The following MTHFD2 variants were observed in gnomAD, a reference collection of about 807,000 sequenced individuals.
MTHFD2 encodes bifunctional methylenetetrahydrofolate dehydrogenase/cyclohydrolase, mitochondrial.
Under a neutral mutation model 36.8 loss-of-function variants are expected in MTHFD2, and 26 were observed. The ratio of observed to expected loss-of-function variants is 0.71; its 90% confidence interval spans 0.52 to 0.98. MTHFD2 has a LOEUF of 0.98. Among genes scored for constraint, MTHFD2 ranks in the 50% least tolerant of loss-of-function variants. The pLI, the probability that MTHFD2 is intolerant of heterozygous loss-of-function variation, is 0.00. For synonymous variants in MTHFD2, 164 were observed against 155.2 expected, an observed-to-expected ratio of 1.06 and a Z score of -0.42; for missense variants, 373 against 434.0, an observed-to-expected ratio of 0.86 and a Z score of 1.25.
At position 74,211,342 on chromosome 2, in the gene MTHFD2, T is replaced by C. The variant is rs540175087; in HGVS notation, c.763+51T>C. ...AAGGACTTCACCTCAGAAGAGGAGG[T>C]TGTACCCCTCATCTTAGAATTCGCC... is the stretch of plus-strand genomic sequence containing the variant. On this transcript the variant is annotated intron_variant, in intron 6 of 7. Transcript: ENST00000394053. The C allele has an allele frequency of 1.1e-5, 13 of 1,192,234 alleles. No individual in the cohort carries two copies. In the South Asian group the frequency reaches 1.7e-4, roughly 16 times the overall value. The allele number at this position is 1,192,234 out of a possible 1,614,324, so 73.9% of individuals were successfully genotyped here.
At chr2:74,211,691 A>G in intron 6 of MTHFD2, 50 bp from the exon 7 acceptor site, 1 of 1,526,716 alleles carries the variant, frequency 6.6e-7, no homozygotes, top group South Asian at 1.3e-5. Context: ...AGAATCTGAC[A>G]GGTAGACTGT....
At chr2:74,206,599 A>C (rs945429483) in intron 2 of MTHFD2, 2 of 152,328 alleles carry the variant, frequency 1.3e-5, no homozygotes, top group African/African-American at 4.8e-5. Context: ...GGGTGGGGTT[A>C]CTGGCCTGTA....
intron 5 of MTHFD2, among the ~76,000 whole-genome samples, chr2:74,210,599 G>A (rs942447363): frequency 6.6e-6 from 1 of 152,116 alleles, no homozygotes; most frequent in African/African-American, 2.4e-5. Flanking sequence ...TAATTTTAGT[G>A]ATATTTTGCT....
chr2:74,208,865 G>GTTT (rs550371266), intron 4 of MTHFD2, 144 bp downstream of exon 4: 1 of 779,220 alleles, frequency 1.3e-6, no homozygotes, highest in Non-Finnish European at 1.9e-6. Context: ...TCTCTTAACA[G>GTTT]TTTTTTTTTT....
In MTHFD2 at chr2:74,214,098, G is replaced by A. The variant is rs763695295; in HGVS notation, c.909G>A (p.Gly303=). 2 of 1,613,848 alleles carry A rather than the reference G, an allele frequency of 1.2e-6. No individual in the cohort carries two copies. The highest frequency in any genetic ancestry group is 2.2e-5 in the East Asian group (1 of 44,884). The part of the protein sequence containing the change: ...VDFEGVRQKA[G]YITPVPGGVG... ...ATGTAGGAGTCAGACAAAAAGCTGG[G>A]TATATCACTCCAGTTCCTGGAGGTG... The change falls in exon 8 of 8, where the codon GGG becomes GGA. Residue 303 remains glycine, a synonymous_variant. Coordinates refer to ENST00000394053, the MANE Select transcript of MTHFD2 (RefSeq NM_006636.4).
rs769195354 is a variant in MTHFD2 at position 74,207,745 on chromosome 2, G to A, written c.328G>A (p.Glu110Lys). The change falls in exon 3 of 8, where the codon GAG becomes AAG. Residue 110 changes from glutamate to lysine, a missense_variant. Transcript: ENST00000394053. ...AATTATGAAACCAGCTTCAATTTCA[G>A]AGGAAGAATTGTTGAATTTAATCAA... ...ETIMKPASIS[E>K]EELLNLINKL... is the part of the protein sequence containing the mutation. 24 of 1,607,028 alleles carry A rather than the reference G, an allele frequency of 1.5e-5. No individual in the cohort carries two copies. In the South Asian group the frequency reaches 2.2e-4, roughly 15 times the overall value.
Position 74,215,225 on chromosome 2 carries a change from A to G in MTHFD2, c.*983A>G, listed in dbSNP as rs1694408770. 1 of 152,588 alleles carries G rather than the reference A, an allele frequency of 6.6e-6. No homozygotes were observed. 9.5% of individuals were successfully genotyped at this position (152,588 alleles called of 1,614,324 possible). ...GTTTGAGTTACTATTGAATTTAATC[A>G]GACTTTCTGATTAAAGGGTTTTCTT... On this transcript the variant is annotated 3_prime_UTR_variant, in exon 8 of 8. Coordinates refer to ENST00000394053, the MANE Select transcript of MTHFD2 (RefSeq NM_006636.4).
intron 1 of MTHFD2, among the ~76,000 whole-genome samples, chr2:74,204,999 T>A (rs147858788): frequency 0.012 from 1,756 of 152,266 alleles, 25 homozygotes; most frequent in African/African-American, 0.04. Flanking sequence ...CTAATTTTTG[T>A]ATTTTTAGTA....
At chr2:74,206,589 G>T (rs1015226362) in intron 2 of MTHFD2, 1 of 152,294 alleles carries the variant, frequency 6.6e-6, no homozygotes, top group African/African-American at 2.4e-5. Context: ...TCGCGTGGCT[G>T]GGTGGGGTTA....
At chr2:74,205,162 G>A (rs893424605) in intron 1 of MTHFD2, among the ~76,000 whole-genome samples, 2 of 152,026 alleles carry the variant, frequency 1.3e-5, no homozygotes, top group Non-Finnish European at 2.9e-5. Context: ...ATAATTTATC[G>A]ATTTAAACCA....
In MTHFD2 at chr2:74,214,238, A is replaced by G; in HGVS notation, c.1049A>G (p.Asn350Ser). 6.2e-7 allele frequency: 1 copy of G among 1,613,762 alleles called. No individual in the cohort carries two copies. Among genetic ancestry groups the G allele is most frequent in the Middle Eastern group, 1.7e-4 (1 of 6,056 alleles). Residue 350 changes from asparagine to serine, a missense_variant, in exon 8 of 8, where the codon AAT becomes AGT. Asn to Ser is a conservative substitution (Grantham distance 46). Around this residue, in one of 2 missense-constraint regions of MTHFD2, gnomAD observed 308 missense variants for 397.8 expected, o/e 0.77. Coordinates refer to ENST00000394053, the MANE Select transcript of MTHFD2 (RefSeq NM_006636.4). ...TCTAAAGAGCTTGGGGTAGCCACTAATTAACTACTGTGTCTTCTGTGTCAC... is the reference window on the plus strand; with the variant it reads ...TCTAAAGAGCTTGGGGTAGCCACTAGTTAACTACTGTGTCTTCTGTGTCAC... ...LKSKELGVAT[N>S]
chr2:74,200,204 C>T (rs1047859269), intron 1 of MTHFD2, among the ~76,000 whole-genome samples: 1 of 152,058 alleles, frequency 6.6e-6, no homozygotes, highest in African/African-American at 2.4e-5. Flanking sequence ...CCTTCTCCCT[C>T]TTCCTGAGTG....
In MTHFD2 at chr2:74,198,717, C is replaced by T. The variant is rs771539434; in HGVS notation, c.76C>T (p.Arg26Cys). The change falls in exon 1 of 8, where the codon CGC becomes TGC. Residue 26 changes from arginine to cysteine, a missense_variant. Transcript: ENST00000394053. ...QPAHSCSLRL[R>C]PFHLAAVRNE... ...CGCGCACAGCTGCTCCCTTCGCCTT[C>T]GCCCTTTCCACCTCGCGGCAGTTCG... 27 of 1,610,804 alleles carry T rather than the reference C, an allele frequency of 1.7e-5. No individual in the cohort carries two copies. The Middle Eastern group carries it at 5.0e-4, about 30-fold the overall frequency.
At position 74,198,783 on chromosome 2, in the gene MTHFD2, G is replaced by A. The variant is rs1362967727; in HGVS notation, c.101+41G>A. On this transcript the variant is annotated intron_variant, in intron 1 of 7. Transcript: ENST00000394053. ...AGCTCGGTCAGCGCGGAAAGCTGAG[G>A]GGAACGGAGGGCGAGGGGCACGCCG... 5 of 1,531,164 alleles carry A rather than the reference G, an allele frequency of 3.3e-6. No individual in the cohort carries two copies. In the African/African-American group the frequency reaches 4.1e-5, roughly 13 times the overall value. 94.8% of individuals were successfully genotyped at this position (1,531,164 alleles called of 1,614,324 possible). A position where few individuals can be genotyped will look rare whatever the true frequency, so the allele number is the denominator to read the frequency against.
rs529108037 is a variant in MTHFD2, at chr2:74,205,908, C to T, written c.286+19C>T. 1,573 of 1,604,458 alleles carry T rather than the reference C, an allele frequency of 9.8e-4. 25 individuals are homozygous for T. In the South Asian group the frequency reaches 0.016, roughly 16 times the overall value. The stretch of plus-strand genomic sequence containing the variant: ...GTTGTGGGTATGTGTCCTTCTGAGA[C>T]CTCGACTGCGGTTCAGTTGAGGTTT... On this transcript the variant is annotated intron_variant, in intron 2 of 7. Transcript: ENST00000394053.
Position 74,216,844 on chromosome 2 carries a change from G to C in MTHFD2, c.*2602G>C, listed in dbSNP as rs1160670148. The C allele has an allele frequency of 3.3e-5, 5 of 152,140 alleles. No homozygotes were observed. Among genetic ancestry groups the C allele is most frequent in the Admixed American group, 3.3e-4 (5 of 15,266 alleles). The allele number at this position is 152,140 out of a possible 1,614,324, so 9.4% of individuals were successfully genotyped here. On this transcript the variant is annotated 3_prime_UTR_variant, in exon 8 of 8. Coordinates refer to ENST00000394053, the MANE Select transcript of MTHFD2 (RefSeq NM_006636.4). ...GGCTGGTCTTGACCTCCTGACCTCT[G>C]CTGATTCCCCCCACCTCTGCCTCCC...
At position 74,199,686 on chromosome 2, in the gene MTHFD2, C is replaced by T. The variant is rs1294225157; in HGVS notation, c.101+944C>T. 2.8e-4 allele frequency among the ~76,000 whole-genome samples: 36 copies of T among 128,838 alleles called. No homozygotes were observed. In the Admixed American group the frequency reaches 3.1e-3, roughly 11 times the overall value. The allele number at this position is 128,838 out of a possible 152,430, so 84.5% of individuals were successfully genotyped here. Reference sequence around the variant, plus strand: ...TTGCACCACTGCCCTCCAGTCTGGGCGACAGAGCGAGACCCTGTCTCAAAA... The same window carrying T: ...TTGCACCACTGCCCTCCAGTCTGGGTGACAGAGCGAGACCCTGTCTCAAAA... On this transcript the variant is annotated intron_variant, in intron 1 of 7. Transcript: ENST00000394053.
At chr2:74,202,670 G>A (rs985324545) in intron 1 of MTHFD2, among the ~76,000 whole-genome samples, 1 of 152,024 alleles carries the variant, frequency 6.6e-6, no homozygotes, top group Non-Finnish European at 1.5e-5. Flanking sequence ...GGGTCTACAG[G>A]TGCGTGCCAC....
rs200564044 is a variant in MTHFD2, at chr2:74,211,765, A to G, written c.788A>G (p.Asp263Gly). ...GGTATTCCAAATCTGATCACAGCAG[A>G]TATGATCAAGGAAGGAGCAGCAGTC... ...AAGIPNLITADMIKEGAAVID... is the reference protein window; with the variant it reads ...AAGIPNLITAGMIKEGAAVID... Residue 263 changes from aspartate to glycine, a missense_variant, in exon 7 of 8, where the codon GAT (aspartate) becomes GGT (glycine). Transcript: ENST00000394053. 1,235 of 1,611,548 alleles carry G rather than the reference A, an allele frequency of 7.7e-4. 4 individuals are homozygous for G. The highest frequency in any genetic ancestry group is 7.5e-4 in the Non-Finnish European group (887 of 1,179,294).
Sources: gnomAD v4.1 joint callset for allele counts (sites outside exome capture counted in the v4.1 genomes callset) on GRCh38, gnomAD v4.1.1 for gene constraint, gnomAD v4.1.1 regional missense constraint, MANE v1.5 for transcripts, NCBI Gene and HGNC (gene_info 2026-07-23, HGNC 2026-07-21) for gene names.